Variants in SH3PXD2A observed in about 807,000 individuals in gnomAD.
The protein encoded by SH3PXD2A is SH3 and PX domains 2A.
SH3PXD2A carries 32 observed loss-of-function variants against 115.2 expected under a neutral mutation model. That is an observed-to-expected ratio of 0.28 (90% CI 0.21 to 0.37). The LOEUF (loss-of-function observed/expected upper bound fraction) is 0.37. SH3PXD2A is among the 10% of genes least tolerant of loss of function. The pLI is 1.00. For synonymous variants in SH3PXD2A, 610 were observed against 629.1 expected, an observed-to-expected ratio of 0.97 and a Z score of 0.45; for missense variants, 1,328 against 1,498.7, an observed-to-expected ratio of 0.89 and a Z score of 1.88.
intron 10 of SH3PXD2A, 95 bp from the exon 11 acceptor site, chr10:103,617,409 A>G (rs938191722): frequency 1.3e-5 from 11 of 857,622 alleles, no homozygotes; most frequent in Non-Finnish European, 1.3e-5. Flanking sequence ...CTTTTGCTCA[A>G]CTGCTTGCCA....
intron 1 of SH3PXD2A, among the ~76,000 whole-genome samples, chr10:103,805,632 TG>T: frequency 6.6e-6 from 1 of 152,252 alleles, no homozygotes; most frequent in East Asian, 1.9e-4. Flanking sequence ...GGCTCATGCC[TG>T]TAATCCCAGC....
At chr10:103,625,730 A>T (rs965386632) in intron 9 of SH3PXD2A, among the ~76,000 whole-genome samples, 1 of 152,204 alleles carries the variant, frequency 6.6e-6, no homozygotes, top group Non-Finnish European at 1.5e-5. Context: ...CGTCTCTACT[A>T]AAAACAAAAA....
chr10:103,614,329 A>G (rs984541262), intron 11 of SH3PXD2A, among the ~76,000 whole-genome samples: 3 of 152,210 alleles, frequency 2.0e-5, no homozygotes, highest in Admixed American at 2.0e-4. Flanking sequence ...CACTGGCTTT[A>G]TACCATATAG....
rs908342518 is a variant in SH3PXD2A, at chr10:103,611,541, G to A, written c.1308+40C>T. ...ATCGGGTGGCTATAGCGCATTCACAGAAAAGGAAGGAAAGGGGAGAAGAAA... is the reference window on the plus strand; with the variant it reads ...ATCGGGTGGCTATAGCGCATTCACAAAAAAGGAAGGAAAGGGGAGAAGAAA... On this transcript the variant is annotated intron_variant, in intron 13 of 14. Transcript: ENST00000369774. 3.2e-6 allele frequency: 5 copies of A among 1,587,268 alleles called. No individual in the cohort carries two copies. The Admixed American group carries it at 5.0e-5, about 16-fold the overall frequency.
intron 9 of SH3PXD2A, among the ~76,000 whole-genome samples, chr10:103,624,851 G>A (rs2036666938): frequency 6.6e-6 from 1 of 152,194 alleles, no homozygotes; most frequent in Non-Finnish European, 1.5e-5. Flanking sequence ...AGGCCCAGGG[G>A]ACCCATCCCT....
chr10:103,668,347 T>C lies in SH3PXD2A; in HGVS notation c.472+261A>G, dbSNP rs3781340. On this transcript the variant is annotated intron_variant, in intron 7 of 14. Transcript: ENST00000369774. ...CAGCATGGCCAGGACGTAGCAGAGC[T>C]GGAATTCAGACCCACACACCCTGGG... Among the ~76,000 whole-genome samples the C allele has an allele frequency of 1.1e-4, 16 of 152,350 alleles. No individual in the cohort carries two copies. The East Asian group carries it at 2.9e-3, about 28-fold the overall frequency.
intron 5 of SH3PXD2A, among the ~76,000 whole-genome samples, chr10:103,700,384 T>C (rs2037878502): frequency 6.6e-6 from 1 of 152,208 alleles, no homozygotes; most frequent in Middle Eastern, 3.2e-3. Flanking sequence ...CGTAGCCCAA[T>C]AGCCTGGGTT....
chr10:103,728,827 A>G (rs2038275144), intron 4 of SH3PXD2A, among the ~76,000 whole-genome samples: 1 of 151,986 alleles, frequency 6.6e-6, no homozygotes, highest in Admixed American at 6.5e-5. Flanking sequence ...AAGCACAGAG[A>G]GTTTACATAA....
intron 10 of SH3PXD2A, among the ~76,000 whole-genome samples, chr10:103,618,572 T>C (rs1007938169): frequency 6.6e-6 from 1 of 152,198 alleles, no homozygotes; most frequent in East Asian, 1.9e-4. Context: ...CCTGAGCCAC[T>C]GTTGTCCTCT....
Position 103,620,172 on chromosome 10 carries a change from G to A in SH3PXD2A, c.802+2298C>T, listed in dbSNP as rs999221696. ...TCAGGGTCTTGGGAAGAGATGTCCC[G>A]TCGGAAATGGGGTTGAGGGAAGGGA... On this transcript the variant is annotated intron_variant, in intron 10 of 14. Coordinates refer to ENST00000369774, the MANE Select transcript of SH3PXD2A (RefSeq NM_001394015.1). This position sits in a 1 kb window ranked among gnomAD's most constrained non-coding sequence, Gnocchi z 5.3. Among the ~76,000 whole-genome samples, 3 of 152,176 alleles carry A rather than the reference G, an allele frequency of 2.0e-5. No individual in the cohort carries two copies. The highest frequency in any genetic ancestry group is 1.9e-4 in the East Asian group (1 of 5,186).
intron 6 of SH3PXD2A, among the ~76,000 whole-genome samples, chr10:103,681,940 G>A (rs1430687786): frequency 2.0e-5 from 3 of 152,156 alleles, no homozygotes; most frequent in African/African-American, 7.2e-5. Flanking sequence ...GCAGATACCT[G>A]GGCGTCACTC....
At chr10:103,735,983 C>A (rs1353430480) in intron 3 of SH3PXD2A, among the ~76,000 whole-genome samples, 175 bp from the exon 4 acceptor site, 1 of 152,174 alleles carries the variant, frequency 6.6e-6, no homozygotes, top group Non-Finnish European at 1.5e-5. Flanking sequence ...GCAGGAGGCG[C>A]CCTAGGCTGA....
intron 5 of SH3PXD2A, among the ~76,000 whole-genome samples, chr10:103,712,557 G>A (rs2038058775): frequency 6.6e-6 from 1 of 152,220 alleles, no homozygotes; most frequent in Non-Finnish European, 1.5e-5. Flanking sequence ...CCTGAGGCTG[G>A]GGGAAGGGTC....
chr10:103,637,710 A>G (rs1049050071), intron 8 of SH3PXD2A, among the ~76,000 whole-genome samples: 1 of 152,116 alleles, frequency 6.6e-6, no homozygotes, highest in Non-Finnish European at 1.5e-5. Context: ...GGAATAGGGC[A>G]TTTGCGAGCT....
intron 1 of SH3PXD2A, among the ~76,000 whole-genome samples, chr10:103,810,130 G>A (rs927599709): frequency 6.6e-6 from 1 of 152,178 alleles, no homozygotes; most frequent in African/African-American, 2.4e-5. Context: ...AGGATTCAGG[G>A]AGCTGACTCT....
intron 1 of SH3PXD2A, among the ~76,000 whole-genome samples, chr10:103,810,486 T>G (rs1025768802): frequency 6.6e-6 from 1 of 152,154 alleles, no homozygotes; most frequent in Non-Finnish European, 1.5e-5. Flanking sequence ...AGGAGGAAGA[T>G]GACTTCAAAT....
chr10:103,615,483 G>GGTGTGTGTGTGTGTGTGTGTGTGTGTGT (rs57711259), intron 11 of SH3PXD2A, among the ~76,000 whole-genome samples: 7 of 128,524 alleles, frequency 5.4e-5, no homozygotes, highest in East Asian at 2.3e-4. Context: ...AGAGTGCGAG[G>GGTGTGTGTGTGTGTGTGTGTGTGTGTGT]GTGTGTGTGT....
intron 6 of SH3PXD2A, among the ~76,000 whole-genome samples, chr10:103,675,678 T>C (rs111663776): frequency 2.0e-5 from 3 of 152,308 alleles, no homozygotes; most frequent in African/African-American, 7.2e-5. Context: ...TGCTAAACAT[T>C]TATGAGCATT....
In SH3PXD2A at chr10:103,769,254, G is replaced by A. The variant is rs970622442; in HGVS notation, c.154-2085C>T. On this transcript the variant is annotated intron_variant, in intron 2 of 14. Coordinates refer to ENST00000369774, the MANE Select transcript of SH3PXD2A (RefSeq NM_001394015.1). ...CATCCAGCTCTAACACACAATTTTA[G>A]GATTGTCTCTTGCATAATCATTACC... Among the ~76,000 whole-genome samples, 4 of 150,876 alleles carry A rather than the reference G, an allele frequency of 2.7e-5. No individual in the cohort carries two copies. The South Asian group carries it at 8.3e-4, about 31-fold the overall frequency.
Sources: allele counts gnomAD v4.1 joint callset (sites outside exome capture counted in the v4.1 genomes callset), GRCh38; gene constraint gnomAD v4.1.1; non-coding constraint Gnocchi (gnomAD v3.1); transcripts MANE v1.5; gene names NCBI Gene and HGNC (gene_info 2026-07-23, HGNC 2026-07-21).